The following INTS13 variants were observed in gnomAD, a reference collection of about 807,000 sequenced individuals.
INTS13 encodes the protein integrator complex subunit 13, also known as asunder, spermatogenesis regulator homolog (Drosphila).
Under a neutral mutation model 90.2 loss-of-function variants are expected in INTS13, and 35 were observed. That is an observed-to-expected ratio of 0.39 (90% CI 0.30 to 0.51). The LOEUF (loss-of-function observed/expected upper bound fraction) is 0.51. Among genes scored for constraint, INTS13 ranks in the 20% least tolerant of loss-of-function variants. The pLI, the probability that INTS13 is intolerant of heterozygous loss-of-function variation, is 0.80. For synonymous variants in INTS13, 309 were observed against 277.1 expected (o/e 1.11, Z -1.14); for missense variants, 601 against 851.2 (o/e 0.71, Z 3.66).
rs778722556 is a variant in INTS13, at chr12:26,928,862, G to A, written c.344C>T (p.Ala115Val). 1.2e-6 allele frequency: 2 copies of A among 1,614,214 alleles called. No homozygotes were observed. The highest frequency in any genetic ancestry group is 1.7e-6 in the Non-Finnish European group (2 of 1,180,046). ...CAGAATACTGCAGCACTCTGGATCT[G>A]CCCGAGGATTAGGAGGCCCAACAGC... ...LAAVGPPNPR[A>V]DPECCSILHG... Residue 115 changes from alanine (A) to valine (V), a missense_variant, in exon 4 of 17, where the codon GCA becomes GTA. Physicochemically the swap from Ala to Val is moderately conservative, Grantham distance 64. Around this residue, in one of 3 missense-constraint regions of INTS13, gnomAD observed 284 missense variants for 387.7 expected, o/e 0.73. Coordinates refer to ENST00000261191, the MANE Select transcript of INTS13 (RefSeq NM_018164.3).
intron 8 of INTS13, chr12:26,918,968 A>G: frequency 7.6e-6 from 2 of 262,678 alleles, no homozygotes; most frequent in South Asian, 3.2e-5. Flanking sequence ...TCAGGAAACT[A>G]GCCTGGGCAA....
At chr12:26,927,355 T>C (rs958206218) in intron 5 of INTS13, among the ~76,000 whole-genome samples, 7 of 152,190 alleles carry the variant, frequency 4.6e-5, no homozygotes, top group Non-Finnish European at 8.8e-5. Context: ...ACTCCAAGGA[T>C]TGTCATAATT....
At chr12:26,906,465 A>G (rs1203285869) in intron 15 of INTS13, 28 bp from the exon 16 acceptor site, 4 of 1,577,768 alleles carry the variant, frequency 2.5e-6, no homozygotes, top group East Asian at 2.2e-5. Flanking sequence ...AGGAGAGAGA[A>G]AAAAAAGATA....
At chr12:26,905,871 A>G (rs558104464) in intron 16 of INTS13, among the ~76,000 whole-genome samples, 2 of 152,300 alleles carry the variant, frequency 1.3e-5, no homozygotes, top group Non-Finnish European at 2.9e-5. Flanking sequence ...TTCCTTCCCC[A>G]CTAAATAAAT....
intron 10 of INTS13, among the ~76,000 whole-genome samples, chr12:26,916,553 G>C (rs1951942549): frequency 6.6e-6 from 1 of 152,186 alleles, no homozygotes; most frequent in Admixed American, 6.5e-5. Flanking sequence ...AACATTTGGG[G>C]AGAAGGCACA....
At chr12:26,907,543 A>G (rs115155184) in intron 15 of INTS13, among the ~76,000 whole-genome samples, 1,715 of 152,328 alleles carry the variant, frequency 0.011, 27 homozygotes, top group African/African-American at 0.039. Flanking sequence ...TAGATTTCTA[A>G]CATGTAACAC....
Position 26,934,584 on chromosome 12 carries a change from C to T in INTS13, c.272G>A (p.Trp91Ter). The change falls in exon 3 of 17, where the codon TGG (tryptophan) becomes TAG (stop). Residue 91 changes from tryptophan (W) to a stop codon, truncating the protein, a stop_gained. Transcript: ENST00000261191. LOFTEE classifies it high-confidence loss of function. ...SDSGAHVLNS[W>*]TQEDQNLQEL... ...CTGTAAATTTTGGTCTTCTTGAGTCCAAGAATTTAAAACATGTGCTCCAGA... is the reference window on the plus strand; with the variant it reads ...CTGTAAATTTTGGTCTTCTTGAGTCTAAGAATTTAAAACATGTGCTCCAGA... 2.5e-6 allele frequency: 4 copies of T among 1,613,550 alleles called. No individual in the cohort carries two copies. Among genetic ancestry groups the T allele is most frequent in the Non-Finnish European group, 3.4e-6 (4 of 1,179,632 alleles).
In INTS13 at chr12:26,937,832, C is replaced by T. The variant is rs912454102; in HGVS notation, c.-48G>A. ...GTCCTGCAGTGAAAACGAACAGAGG[C>T]TATGGACCACAGCCTCTCTGGAAAA... On this transcript the variant is annotated 5_prime_UTR_variant, in exon 1 of 17. Transcript: ENST00000261191. 1.3e-5 allele frequency: 2 copies of T among 152,928 alleles called. No individual in the cohort carries two copies. Among genetic ancestry groups the T allele is most frequent in the African/African-American group, 4.8e-5 (2 of 41,472 alleles). 9.5% of individuals were successfully genotyped at this position (152,928 alleles called of 1,614,324 possible).
At chr12:26,926,423 A>C (rs1342880714) in intron 5 of INTS13, among the ~76,000 whole-genome samples, 3 of 152,182 alleles carry the variant, frequency 2.0e-5, no homozygotes, top group Non-Finnish European at 4.4e-5. Context: ...TACACTTTTT[A>C]ATTAAACCAT....
chr12:26,928,513 G>A (rs1938008676), intron 4 of INTS13, among the ~76,000 whole-genome samples, 190 bp downstream of exon 4: 1 of 148,708 alleles, frequency 6.7e-6, no homozygotes, highest in African/African-American at 2.5e-5. Context: ...AATGAGATAA[G>A]TCTTTATTTT....
intron 6 of INTS13, 81 bp from the exon 7 acceptor site, chr12:26,924,564 C>A: frequency 4.4e-6 from 6 of 1,366,792 alleles, no homozygotes; most frequent in Non-Finnish European, 5.9e-6. Context: ...AGTATAAATC[C>A]ATTAAAATTA....
At chr12:26,908,622 C>T (rs1012838775) in intron 15 of INTS13, among the ~76,000 whole-genome samples, 5 of 151,802 alleles carry the variant, frequency 3.3e-5, no homozygotes, top group Non-Finnish European at 5.9e-5. Flanking sequence ...ATAGCCTAGC[C>T]TTAAGTACAG....
In INTS13 at chr12:26,906,320, T is replaced by A. The variant is rs1951608343; in HGVS notation, c.2063A>T (p.His688Leu). 1 of 1,603,660 alleles carries A rather than the reference T, an allele frequency of 6.2e-7. No individual in the cohort carries two copies. Among genetic ancestry groups the A allele is most frequent in the Non-Finnish European group, 8.5e-7 (1 of 1,176,694 alleles). The change falls in exon 16 of 17, where the codon CAT (histidine) becomes CTT (leucine). Residue 688 changes from histidine to leucine, a missense_variant. Physicochemically the swap from His to Leu is moderately conservative, Grantham distance 99 (BLOSUM62 -3). Coordinates refer to ENST00000261191, the MANE Select transcript of INTS13 (RefSeq NM_018164.3). ...CACAAACCCATTTTCCTCTTTAAGATGTTGATATAGTTCAGCTCTGTTATT... is the reference window on the plus strand; with the variant it reads ...CACAAACCCATTTTCCTCTTTAAGAAGTTGATATAGTTCAGCTCTGTTATT... ...SVNNRAELYQ[H>L]LKEENGMETT...
At chr12:26,908,554 C>A (rs1203940539) in intron 15 of INTS13, among the ~76,000 whole-genome samples, 1 of 149,386 alleles carries the variant, frequency 6.7e-6, no homozygotes. Flanking sequence ...TTTTTTGTTA[C>A]TGCATCATAC....
At chr12:26,919,913 G>A (rs766738497) in intron 8 of INTS13, among the ~76,000 whole-genome samples, 1 of 152,032 alleles carries the variant, frequency 6.6e-6, no homozygotes, top group Non-Finnish European at 1.5e-5. Flanking sequence ...CGGATCACGA[G>A]GTCAGGAGAT....
At chr12:26,913,947 T>C (rs752867977) in intron 13 of INTS13, 27 bp downstream of exon 13, 4 of 1,582,436 alleles carry the variant, frequency 2.5e-6, no homozygotes, top group African/African-American at 2.7e-5. Context: ...ATGTGATCTA[T>C]AAAGTAAGAA....
intron 12 of INTS13, 27 bp from the exon 13 acceptor site, chr12:26,914,155 G>T: frequency 6.5e-7 from 1 of 1,533,020 alleles, no homozygotes; most frequent in Non-Finnish European, 8.7e-7. Context: ...AAAGAAAAAA[G>T]AAAATCTGTC....
rs780279160 is a variant in INTS13 at position 26,925,798 on chromosome 12, C to T, written c.638G>A (p.Gly213Asp). ...ACGATCAGATACAAGGCTGTCTTCA[C>T]CAACTGGGTAGGTGTGGATCAAGAC... ...ELVLIHTYPV[G>D]EDSLVSDRSK... Residue 213 changes from glycine (G) to aspartate (D), a missense_variant, in exon 6 of 17, where the codon GGT (glycine) becomes GAT (aspartate). This residue lies in a region of INTS13 where 284 missense variants were observed against 387.7 expected (regional missense o/e 0.73). Transcript: ENST00000261191. The T allele has an allele frequency of 6.2e-7, 1 of 1,612,754 alleles. No homozygotes were observed. Among genetic ancestry groups the T allele is most frequent in the Non-Finnish European group, 8.5e-7 (1 of 1,179,258 alleles).
chr12:26,927,999 T>C (rs576453068), intron 5 of INTS13, among the ~76,000 whole-genome samples: 51 of 152,320 alleles, frequency 3.3e-4, no homozygotes, highest in African/African-American at 1.2e-3. Context: ...ATTTTATCCT[T>C]TTGATCACCT....
Sources: gnomAD v4.1 joint callset for allele counts (sites outside exome capture counted in the v4.1 genomes callset) on GRCh38, gnomAD v4.1.1 for gene constraint, gnomAD v4.1.1 regional missense constraint, MANE v1.5 for transcripts, NCBI Gene and HGNC (gene_info 2026-07-23, HGNC 2026-07-21) for gene names.